The following FTO variants were observed in gnomAD, a reference collection of about 807,000 sequenced individuals.
FTO encodes alpha-ketoglutarate-dependent dioxygenase FTO.
FTO carries 47 observed loss-of-function variants against 63.9 expected under a neutral mutation model. That is an observed-to-expected ratio of 0.74 (90% CI 0.58 to 0.94). The LOEUF (loss-of-function observed/expected upper bound fraction) is 0.94. Among genes scored for constraint, FTO ranks in the 40% least tolerant of loss-of-function variants. The pLI, the probability that FTO is intolerant of heterozygous loss-of-function variation, is 0.00. For synonymous variants in FTO, 207 were observed against 224.4 expected, an observed-to-expected ratio of 0.92 and a Z score of 0.69; for missense variants, 562 against 618.1, an observed-to-expected ratio of 0.91 and a Z score of 0.96.
intron 4 of FTO, among the ~76,000 whole-genome samples, chr16:53,863,249 G>A (rs1038977051): frequency 6.6e-6 from 1 of 152,144 alleles, no homozygotes; most frequent in Admixed American, 6.5e-5. Context: ...TTTGATCAAA[G>A]TGCCTCCATT....
At chr16:53,742,966 C>T (rs1406602858) in intron 1 of FTO, among the ~76,000 whole-genome samples, 3 of 152,138 alleles carry the variant, frequency 2.0e-5, no homozygotes, top group African/African-American at 7.2e-5. Flanking sequence ...CTTCTGATTA[C>T]TCCAGTGTGC....
intron 8 of FTO, among the ~76,000 whole-genome samples, chr16:54,012,581 G>A (rs2084355211): frequency 6.6e-6 from 1 of 152,180 alleles, no homozygotes; most frequent in African/African-American, 2.4e-5. Flanking sequence ...AGCTAGAGGA[G>A]AAGTCAATGC....
At chr16:53,733,976 A>G in intron 1 of FTO, among the ~76,000 whole-genome samples, 1 of 152,242 alleles carries the variant, frequency 6.6e-6, no homozygotes, top group East Asian at 1.9e-4. Context: ...TATGCACACA[A>G]GCACACACAT....
At chr16:53,780,775 G>A (rs763818458) in intron 1 of FTO, among the ~76,000 whole-genome samples, 8 of 152,144 alleles carry the variant, frequency 5.3e-5, no homozygotes, top group African/African-American at 1.9e-4. Flanking sequence ...TTTACTGGCT[G>A]TGTGATTTTG....
intron 4 of FTO, among the ~76,000 whole-genome samples, chr16:53,844,730 G>A (rs1395132070): frequency 6.6e-6 from 1 of 151,494 alleles, no homozygotes; most frequent in Non-Finnish European, 1.5e-5. Context: ...AAAGTGCTGA[G>A]ATTTACAGGA....
chr16:54,038,972 T>C (rs2085008804), intron 8 of FTO, among the ~76,000 whole-genome samples: 1 of 152,216 alleles, frequency 6.6e-6, no homozygotes, highest in Admixed American at 6.5e-5. Flanking sequence ...TCTGTTCACA[T>C]GTAAAGCAAG....
At chr16:53,852,707 G>C (rs16952587) in intron 4 of FTO, among the ~76,000 whole-genome samples, 8,553 of 152,202 alleles carry the variant, frequency 0.056, 586 homozygotes, top group African/African-American at 0.14. Context: ...CACATGTCAG[G>C]TCAAGATTTT....
intron 7 of FTO, among the ~76,000 whole-genome samples, chr16:53,893,168 G>C (rs918758485): frequency 2.6e-5 from 4 of 152,084 alleles, no homozygotes; most frequent in African/African-American, 9.7e-5. Context: ...GAGCCATTAA[G>C]CCCAAAGCAA....
At chr16:53,732,767 C>A (rs1369812971) in intron 1 of FTO, among the ~76,000 whole-genome samples, 1 of 152,090 alleles carries the variant, frequency 6.6e-6, no homozygotes, top group East Asian at 1.9e-4. Flanking sequence ...CAGCAGATTT[C>A]TGTTTACCCA....
At position 54,116,223 on chromosome 16, in the gene FTO, CTTTTTT is replaced by C. The variant is rs1157006057; in HGVS notation, c.*4315_*4320del. On this transcript the variant is annotated 3_prime_UTR_variant, in exon 9 of 9. Transcript: ENST00000471389. ...AGGAAGGTATTTTCAAATGCAACTTCTTTTTTTTTTTTCTTGCTCTAGTTAGGGCTG... is the reference window on the plus strand; with the variant it reads ...AGGAAGGTATTTTCAAATGCAACTTCTTTTTTCTTGCTCTAGTTAGGGCTG... 1.4e-5 allele frequency: 2 copies of C among 146,924 alleles called. No homozygotes were observed. The highest frequency in any genetic ancestry group is 6.8e-5 in the Admixed American group (1 of 14,692). The allele number at this position is 146,924 out of a possible 1,614,324, so 9.1% of individuals were successfully genotyped here. A position where few individuals can be genotyped will look rare whatever the true frequency, so the allele number is the denominator to read the frequency against.
chr16:53,773,231 C>T (rs1029786016), intron 1 of FTO, among the ~76,000 whole-genome samples: 1 of 151,970 alleles, frequency 6.6e-6, no homozygotes, highest in Non-Finnish European at 1.5e-5. Flanking sequence ...GGGAGCCCTC[C>T]AAATGTGATT....
chr16:53,832,526 G>A (rs2079170487), intron 3 of FTO, among the ~76,000 whole-genome samples: 1 of 152,078 alleles, frequency 6.6e-6, no homozygotes. Flanking sequence ...CCAAAGAGCT[G>A]GAATTACAGG....
In FTO at chr16:54,044,867, A is replaced by G. The variant is rs1462755931; in HGVS notation, c.1365-66895A>G. Among the ~76,000 whole-genome samples the G allele has an allele frequency of 4.7e-4, 46 of 97,694 alleles. 6 individuals carry two copies. The highest frequency in any genetic ancestry group is 7.1e-4 in the Non-Finnish European group (40 of 56,728). 64.1% of individuals were successfully genotyped at this position (97,694 alleles called of 152,430 possible). On this transcript the variant is annotated intron_variant, in intron 8 of 8. Coordinates refer to ENST00000471389, the MANE Select transcript of FTO (RefSeq NM_001080432.3). ...CTGCTCCTGAATGACTACCGGGTAC[A>G]TAACGAAATGAAGGCAGAAATAAAG...
intron 8 of FTO, among the ~76,000 whole-genome samples, chr16:54,080,614 C>T (rs1260788807): frequency 6.6e-6 from 1 of 152,208 alleles, no homozygotes; most frequent in Non-Finnish European, 1.5e-5. Context: ...CCTTGAATTT[C>T]AGGCTGAAGG....
At chr16:53,779,189 T>C (rs1250772758) in intron 1 of FTO, among the ~76,000 whole-genome samples, 1 of 152,198 alleles carries the variant, frequency 6.6e-6, no homozygotes, top group East Asian at 1.9e-4. Flanking sequence ...GAATATAGCC[T>C]AGACTTGAGG....
intron 7 of FTO, among the ~76,000 whole-genome samples, chr16:53,896,917 T>C (rs1468777732): frequency 2.6e-5 from 4 of 152,138 alleles, no homozygotes; most frequent in African/African-American, 9.7e-5. Context: ...TTCCATATTG[T>C]ACAGAAATGT....
At chr16:53,832,191 G>C (rs2079161933) in intron 3 of FTO, among the ~76,000 whole-genome samples, 1 of 152,200 alleles carries the variant, frequency 6.6e-6, no homozygotes, top group South Asian at 2.1e-4. Context: ...TTTGTCAAGA[G>C]AAGGCTAAGC....
At chr16:53,927,001 G>A (rs2082158865) in intron 7 of FTO, among the ~76,000 whole-genome samples, 1 of 152,168 alleles carries the variant, frequency 6.6e-6, no homozygotes, top group African/African-American at 2.4e-5. Context: ...AAGCACTGGG[G>A]CTTCATGACG....
chr16:53,782,961 G>T (rs1271405796), intron 1 of FTO, among the ~76,000 whole-genome samples: 2 of 152,138 alleles, frequency 1.3e-5, no homozygotes, highest in Non-Finnish European at 2.9e-5. Flanking sequence ...GTGAATTTTG[G>T]TTGAATGAGT....
Sources: gnomAD v4.1 joint callset for allele counts (sites outside exome capture counted in the v4.1 genomes callset) on GRCh38, gnomAD v4.1.1 for gene constraint, MANE v1.5 for transcripts, NCBI Gene and HGNC (gene_info 2026-07-23, HGNC 2026-07-21) for gene names.